Variants in SLC24A3 observed in about 807,000 individuals in gnomAD.
SLC24A3 encodes the protein sodium/potassium/calcium exchanger 3.
A neutral mutation model predicts 75.8 loss-of-function variants in SLC24A3; 28 were observed. That is an observed-to-expected ratio of 0.37 (90% CI 0.27 to 0.51). The LOEUF (loss-of-function observed/expected upper bound fraction) is 0.51. SLC24A3 is among the 20% of genes least tolerant of loss of function. The pLI is 0.94. For missense variants in SLC24A3, 663 were observed against 847.8 expected, an observed-to-expected ratio of 0.78 and a Z score of 2.71; for synonymous variants, 372 against 334.1, an observed-to-expected ratio of 1.11 and a Z score of -1.24.
At chr20:19,268,429 G>A (rs925680321) in intron 1 of SLC24A3, among the ~76,000 whole-genome samples, 1 of 152,190 alleles carries the variant, frequency 6.6e-6, no homozygotes, top group African/African-American at 2.4e-5. Flanking sequence ...GACCCTACCA[G>A]CTTTTGAACA....
At chr20:19,391,382 T>C (rs530184510) in intron 2 of SLC24A3, among the ~76,000 whole-genome samples, 2 of 152,192 alleles carry the variant, frequency 1.3e-5, no homozygotes, top group Admixed American at 1.3e-4. Context: ...CTGAGGAATG[T>C]AGAGGAGTTT....
At chr20:19,245,186 G>T (rs1403868033) in intron 1 of SLC24A3, among the ~76,000 whole-genome samples, 1 of 152,086 alleles carries the variant, frequency 6.6e-6, no homozygotes, top group African/African-American at 2.4e-5. Flanking sequence ...GCCCCAAGTG[G>T]GTTTGGAGTT....
At chr20:19,717,839 C>T (rs1226608872) in intron 16 of SLC24A3, among the ~76,000 whole-genome samples, 1 of 152,196 alleles carries the variant, frequency 6.6e-6, no homozygotes, top group Non-Finnish European at 1.5e-5. Context: ...AAACCATTTT[C>T]CCAAACACAA....
At chr20:19,515,595 G>A (rs368564172) in intron 3 of SLC24A3, 31 bp downstream of exon 3, 81 of 1,610,702 alleles carry the variant, frequency 5.0e-5, no homozygotes, top group Non-Finnish European at 6.7e-5. Flanking sequence ...CTGCCTGGAG[G>A]GTCCATAGGC....
At chr20:19,344,087 G>T (rs1355148483) in intron 2 of SLC24A3, among the ~76,000 whole-genome samples, 1 of 152,218 alleles carries the variant, frequency 6.6e-6, no homozygotes, top group Non-Finnish European at 1.5e-5. Flanking sequence ...GGGGAAAGCA[G>T]ATGAGTATCT....
At chr20:19,618,921 G>C (rs2031770951) in intron 6 of SLC24A3, among the ~76,000 whole-genome samples, 1 of 152,280 alleles carries the variant, frequency 6.6e-6, no homozygotes, top group Admixed American at 6.5e-5. Context: ...CTGTTGGAAA[G>C]TGCTGCGTTG....
At chr20:19,335,103 A>T (rs1298912093) in intron 2 of SLC24A3, among the ~76,000 whole-genome samples, 1 of 152,200 alleles carries the variant, frequency 6.6e-6, no homozygotes, top group Non-Finnish European at 1.5e-5. Context: ...CTAAATTTTT[A>T]ATATTATTTA....
At chr20:19,452,395 T>C (rs1987501194) in intron 2 of SLC24A3, among the ~76,000 whole-genome samples, 2 of 131,048 alleles carry the variant, frequency 1.5e-5, no homozygotes, top group South Asian at 2.3e-4. Context: ...TGTGTGTGTG[T>C]GTGTGTGTGT....
chr20:19,515,028 G>A (rs942516839), intron 2 of SLC24A3, among the ~76,000 whole-genome samples: 1 of 152,214 alleles, frequency 6.6e-6, no homozygotes, highest in African/African-American at 2.4e-5. Context: ...TACAGCCCCC[G>A]CTCAGAAAAG....
chr20:19,701,230 C>T (rs2032868519), intron 15 of SLC24A3, among the ~76,000 whole-genome samples: 2 of 152,070 alleles, frequency 1.3e-5, no homozygotes, highest in African/African-American at 4.8e-5. Flanking sequence ...CTTCCATGGC[C>T]TTTGCATTCA....
chr20:19,428,531 A>T (rs934851136), intron 2 of SLC24A3, among the ~76,000 whole-genome samples: 1 of 152,224 alleles, frequency 6.6e-6, no homozygotes, highest in Admixed American at 6.5e-5. Context: ...CTTGCAACAG[A>T]CATTATTTTC....
At chr20:19,382,810 T>G (rs1986204878) in intron 2 of SLC24A3, among the ~76,000 whole-genome samples, 1 of 152,130 alleles carries the variant, frequency 6.6e-6, no homozygotes, top group African/African-American at 2.4e-5. Context: ...CAGGAGGTTG[T>G]TTGGTTGTAG....
At chr20:19,495,920 G>T (rs1051776369) in intron 2 of SLC24A3, among the ~76,000 whole-genome samples, 1 of 152,202 alleles carries the variant, frequency 6.6e-6, no homozygotes, top group Non-Finnish European at 1.5e-5. Context: ...TAGCCACACA[G>T]TGGATTCTGT....
Position 19,602,364 on chromosome 20 carries a change from A to G in SLC24A3, c.612+16820A>G, listed in dbSNP as rs1035557662. ...ATGTAGCTCATCAGTGTTGGTGTCA[A>G]TGGGTGGCTTGGGAGAGCTTTTGCC... On this transcript the variant is annotated intron_variant, in intron 6 of 16. Coordinates refer to ENST00000328041, the MANE Select transcript of SLC24A3 (RefSeq NM_020689.4). Among the ~76,000 whole-genome samples, 4 of 152,132 alleles carry G rather than the reference A, an allele frequency of 2.6e-5. No individual in the cohort carries two copies. In the South Asian group the frequency reaches 6.2e-4, roughly 24 times the overall value.
intron 6 of SLC24A3, among the ~76,000 whole-genome samples, chr20:19,622,728 A>G (rs1266784590): frequency 6.6e-6 from 1 of 152,220 alleles, no homozygotes; most frequent in Non-Finnish European, 1.5e-5. Flanking sequence ...GTGTTGCTAT[A>G]AAAGAAATAC....
chr20:19,465,623 G>A (rs542322477), intron 2 of SLC24A3, among the ~76,000 whole-genome samples: 10 of 152,284 alleles, frequency 6.6e-5, no homozygotes, highest in African/African-American at 2.4e-4. Context: ...GGGAAAACAA[G>A]TTATGTTATC....
intron 1 of SLC24A3, among the ~76,000 whole-genome samples, chr20:19,220,005 T>A (rs895853084): frequency 2.6e-5 from 4 of 152,190 alleles, no homozygotes; most frequent in Non-Finnish European, 4.4e-5. Flanking sequence ...GTGGGTGGAT[T>A]AGAATGGCTA....
intron 15 of SLC24A3, among the ~76,000 whole-genome samples, chr20:19,707,795 A>G (rs2032946243): frequency 6.6e-6 from 1 of 152,242 alleles, no homozygotes; most frequent in Admixed American, 6.5e-5. Context: ...CACATTTAAG[A>G]TGACATACCA....
At chr20:19,583,562 G>A (rs921700608) in intron 4 of SLC24A3, among the ~76,000 whole-genome samples, 1 of 152,158 alleles carries the variant, frequency 6.6e-6, no homozygotes, top group Non-Finnish European at 1.5e-5. Context: ...AGGGGTATAA[G>A]AAGATACAGA....
Sources: allele counts gnomAD v4.1 joint callset (sites outside exome capture counted in the v4.1 genomes callset), GRCh38; gene constraint gnomAD v4.1.1; transcripts MANE v1.5; gene names NCBI Gene and HGNC (gene_info 2026-07-23, HGNC 2026-07-21).